PTPRD: variants seen among roughly 807,000 people sequenced by gnomAD.
PTPRD encodes the protein protein tyrosine phosphatase receptor type D.
PTPRD carries 34 observed loss-of-function variants against 214.5 expected under a neutral mutation model. The ratio of observed to expected loss-of-function variants is 0.16; its 90% CI spans 0.12 to 0.21. The LOEUF (loss-of-function observed/expected upper bound fraction) is 0.21, where lower values mean the gene tolerates loss of function less well. Among genes scored for constraint, PTPRD ranks in the 10% least tolerant of loss-of-function variants. The pLI is 1.00. For missense variants in PTPRD, 2,545 were observed against 2,398.7 expected (o/e 1.06, Z -1.27); for synonymous variants, 1,128 against 845.7 (o/e 1.33, Z -5.79).
intron 5 of PTPRD, among the ~76,000 whole-genome samples, chr9:9,892,636 G>A (rs751867396): frequency 5.9e-5 from 9 of 151,932 alleles, no homozygotes; most frequent in Non-Finnish European, 1.3e-4. Flanking sequence ...ATCTCACTAT[G>A]TATTTTAAAG....
chr9:9,922,585 A>C (rs1252966726), intron 5 of PTPRD, among the ~76,000 whole-genome samples: 1 of 152,124 alleles, frequency 6.6e-6, no homozygotes, highest in Non-Finnish European at 1.5e-5. Context: ...TAATCAAAGA[A>C]CAGGGAAATA....
intron 3 of PTPRD, among the ~76,000 whole-genome samples, chr9:10,284,604 T>C (rs1408415782): frequency 6.6e-6 from 1 of 152,206 alleles, no homozygotes; most frequent in Non-Finnish European, 1.5e-5. Context: ...GGGTCAGAAA[T>C]ATAGGCATGG....
At chr9:9,987,868 G>GT (rs1189097541) in intron 4 of PTPRD, among the ~76,000 whole-genome samples, 10 of 152,104 alleles carry the variant, frequency 6.6e-5, no homozygotes, top group East Asian at 1.9e-4. Context: ...TAAACTCTTT[G>GT]TTTTTTTACA....
intron 2 of PTPRD, among the ~76,000 whole-genome samples, chr9:10,351,609 C>T (rs1336308869): frequency 2.0e-5 from 3 of 151,070 alleles, no homozygotes; most frequent in Non-Finnish European, 2.9e-5. Flanking sequence ...ATAATTTATC[C>T]AAGAAATAAT....
At chr9:9,529,982 C>G (rs1398726709) in intron 8 of PTPRD, among the ~76,000 whole-genome samples, 1 of 151,744 alleles carries the variant, frequency 6.6e-6, no homozygotes, top group Non-Finnish European at 1.5e-5. Flanking sequence ...CACAACATAC[C>G]AAGACCTATG....
At chr9:10,525,270 A>G (rs1336903856) in intron 2 of PTPRD, among the ~76,000 whole-genome samples, 1 of 152,094 alleles carries the variant, frequency 6.6e-6, no homozygotes, top group African/African-American at 2.4e-5. Context: ...CAATAATAAC[A>G]TTAGAAACAT....
intron 38 of PTPRD, among the ~76,000 whole-genome samples, 174 bp downstream of exon 38, chr9:8,376,433 A>T (rs529459839): frequency 2.6e-5 from 4 of 152,190 alleles, no homozygotes; most frequent in African/African-American, 9.6e-5. Context: ...TTTACTGATA[A>T]ATCGCCAGAC....
intron 2 of PTPRD, among the ~76,000 whole-genome samples, chr9:10,515,747 C>G (rs1487294322): frequency 6.6e-6 from 1 of 151,902 alleles, no homozygotes; most frequent in Non-Finnish European, 1.5e-5. Context: ...CTCCCTATTT[C>G]TCTTTCACTC....
intron 23 of PTPRD, 39 bp downstream of exon 23, chr9:8,504,222 A>T: frequency 6.2e-7 from 1 of 1,610,328 alleles, no homozygotes; most frequent in Non-Finnish European, 8.5e-7. Context: ...CTCCCCGAGG[A>T]AATAAAAAGG....
intron 4 of PTPRD, among the ~76,000 whole-genome samples, chr9:10,019,807 T>G (rs919614055): frequency 6.6e-6 from 1 of 152,038 alleles, no homozygotes; most frequent in Non-Finnish European, 1.5e-5. Context: ...AGGGATAGCA[T>G]TAGGAGTTAT....
intron 12 of PTPRD, among the ~76,000 whole-genome samples, chr9:8,674,668 C>A (rs2097363935): frequency 1.3e-5 from 2 of 152,032 alleles, no homozygotes; most frequent in Non-Finnish European, 2.9e-5. Context: ...TCTAACAGCA[C>A]TTTTATAAAA....
intron 9 of PTPRD, among the ~76,000 whole-genome samples, chr9:9,217,411 G>A (rs1156317104): frequency 6.6e-6 from 1 of 152,054 alleles, no homozygotes; most frequent in Admixed American, 6.6e-5. Context: ...CTCTTTTTAA[G>A]GCATATCACT....
Position 10,364,243 on chromosome 9 carries a change from C to T in PTPRD, c.-599-23226G>A, listed in dbSNP as rs1015765987. ...GTCTCGATCTCCTGACCTCGTGATC[C>T]GCCTGTCTTGGCCTCCCAAAGTGCT... On this transcript the variant is annotated intron_variant, in intron 2 of 45. Coordinates refer to ENST00000381196, the MANE Select transcript of PTPRD (RefSeq NM_002839.4). 1.1e-4 allele frequency among the ~76,000 whole-genome samples: 17 copies of T among 151,862 alleles called. No individual in the cohort carries two copies. In the South Asian group the frequency reaches 1.2e-3, roughly 11 times the overall value.
chr9:10,267,886 T>C (rs1057022570), intron 3 of PTPRD, among the ~76,000 whole-genome samples: 9 of 152,122 alleles, frequency 5.9e-5, no homozygotes, highest in Non-Finnish European at 7.4e-5. Flanking sequence ...ACAGTAAAAG[T>C]GAAATAAAAA....
chr9:9,045,368 T>A (rs1267061932), intron 10 of PTPRD, among the ~76,000 whole-genome samples: 1 of 152,126 alleles, frequency 6.6e-6, no homozygotes, highest in African/African-American at 2.4e-5. Flanking sequence ...GTGTTGGCCA[T>A]TACTGAAAGT....
intron 9 of PTPRD, among the ~76,000 whole-genome samples, chr9:9,194,148 T>C (rs2131967763): frequency 6.6e-6 from 1 of 152,234 alleles, no homozygotes; most frequent in South Asian, 2.1e-4. Context: ...ATCACTGTCT[T>C]CCACCTCCAC....
At chr9:9,012,914 T>A (rs1341981560) in intron 11 of PTPRD, among the ~76,000 whole-genome samples, 1 of 152,080 alleles carries the variant, frequency 6.6e-6, no homozygotes, top group Non-Finnish European at 1.5e-5. Context: ...GAAATCTATA[T>A]CCAATTTATA....
chr9:9,117,493 T>G, intron 10 of PTPRD, among the ~76,000 whole-genome samples: 1 of 152,294 alleles, frequency 6.6e-6, no homozygotes, highest in South Asian at 2.1e-4. Flanking sequence ...AATCATTTTA[T>G]AATTGAAAAT....
At chr9:9,306,134 C>A (rs1957052351) in intron 9 of PTPRD, among the ~76,000 whole-genome samples, 1 of 152,212 alleles carries the variant, frequency 6.6e-6, no homozygotes. Flanking sequence ...TTGGCAGTTG[C>A]CTTTGGCCAA....
Sources: allele counts gnomAD v4.1 joint callset (sites outside exome capture counted in the v4.1 genomes callset), GRCh38; gene constraint gnomAD v4.1.1; transcripts MANE v1.5; gene names NCBI Gene and HGNC (gene_info 2026-07-23, HGNC 2026-07-21).